DIRAS2: variants seen among roughly 807,000 people sequenced by gnomAD.
DIRAS2 encodes the protein GTP-binding protein Di-Ras2.
In DIRAS2, 5 loss-of-function variants were observed where a neutral mutation model predicts 13.9. The ratio of observed to expected loss-of-function variants is 0.36; its 90% confidence interval spans 0.19 to 0.76. DIRAS2 has a LOEUF of 0.76. Among genes scored for constraint, DIRAS2 ranks in the 30% least tolerant of loss-of-function variants. The pLI, the probability that DIRAS2 is intolerant of heterozygous loss-of-function variation, is 0.53. For missense variants in DIRAS2, 191 were observed against 263.0 expected (o/e 0.73, Z 1.89); for synonymous variants, 111 against 105.4 (o/e 1.05, Z -0.33).
rs150981717 is a variant in DIRAS2, at chr9:90,631,438, G to T, written c.-37+11314C>A. Among the ~76,000 whole-genome samples the T allele has an allele frequency of 1.4e-4, 22 of 152,304 alleles. No homozygotes were observed. The East Asian group carries it at 3.9e-3, about 27-fold the overall frequency. On this transcript the variant is annotated intron_variant, in intron 1 of 1. Coordinates refer to ENST00000375765, the MANE Select transcript of DIRAS2 (RefSeq NM_017594.5). ...AGGGTTTTGAGCAGAGAAGTGATAC[G>T]GTGGGACCTCCATTGTAAAAGTACC...
intron 1 of DIRAS2, among the ~76,000 whole-genome samples, chr9:90,618,730 TA>T (rs1825191869): frequency 6.6e-6 from 1 of 152,112 alleles, no homozygotes; most frequent in African/African-American, 2.4e-5. Context: ...GCAAAAGACT[TA>T]AAAAGACATT....
At chr9:90,625,582 C>T (rs77648848) in intron 1 of DIRAS2, among the ~76,000 whole-genome samples, 9,601 of 152,150 alleles carry the variant, frequency 0.063, 351 homozygotes, top group Admixed American at 0.077. Context: ...GATAATTCTT[C>T]CCCCATTGAA....
At chr9:90,615,738 G>A (rs907074460) in intron 1 of DIRAS2, among the ~76,000 whole-genome samples, 2 of 152,192 alleles carry the variant, frequency 1.3e-5, no homozygotes, top group African/African-American at 4.8e-5. Flanking sequence ...AAGCATGTCA[G>A]CTAGGGTCTC....
Position 90,610,436 on chromosome 9 carries a change from G to A in DIRAS2, c.*2792C>T, listed in dbSNP as rs997345112. 1 of 398,870 alleles carries A rather than the reference G, an allele frequency of 2.5e-6. No individual in the cohort carries two copies. Among genetic ancestry groups the A allele is most frequent in the African/African-American group, 2.1e-5 (1 of 48,610 alleles). The allele number at this position is 398,870 out of a possible 1,614,324, so 24.7% of individuals were successfully genotyped here. On this transcript the variant is annotated 3_prime_UTR_variant, in exon 2 of 2. Transcript: ENST00000375765. ...TGCCCATGGCTTGTCGCTGGATGGA[G>A]GAGGGGCTCATGGGGATAGAAGGGA...
intron 1 of DIRAS2, among the ~76,000 whole-genome samples, chr9:90,615,230 G>A (rs1825158089): frequency 6.6e-6 from 1 of 152,204 alleles, no homozygotes; most frequent in Admixed American, 6.5e-5. Flanking sequence ...CTGACAGACA[G>A]AACATCAGGT....
chr9:90,640,302 C>T (rs1349545105), intron 1 of DIRAS2, among the ~76,000 whole-genome samples: 1 of 152,162 alleles, frequency 6.6e-6, no homozygotes, highest in Non-Finnish European at 1.5e-5. Flanking sequence ...CTAAATTTGC[C>T]AGTGGCTGAG....
chr9:90,616,453 C>T (rs1825169532), intron 1 of DIRAS2, among the ~76,000 whole-genome samples: 1 of 152,060 alleles, frequency 6.6e-6, no homozygotes, highest in Non-Finnish European at 1.5e-5. Context: ...AAAGAGAGGT[C>T]TGAAGGAATT....
intron 1 of DIRAS2, among the ~76,000 whole-genome samples, chr9:90,630,902 C>T (rs1197171783): frequency 6.6e-6 from 1 of 152,200 alleles, no homozygotes; most frequent in Non-Finnish European, 1.5e-5. Flanking sequence ...TCCACCCTTA[C>T]ATGAGATAGC....
chr9:90,625,351 ATT>A (rs1373283826), intron 1 of DIRAS2, among the ~76,000 whole-genome samples: 1 of 152,158 alleles, frequency 6.6e-6, no homozygotes, highest in East Asian at 1.9e-4. Context: ...ATCATGAATT[ATT>A]TTGTTTCTCA....
chr9:90,618,401 A>G (rs576520405), intron 1 of DIRAS2, among the ~76,000 whole-genome samples: 12 of 152,356 alleles, frequency 7.9e-5, no homozygotes, highest in Admixed American at 6.5e-4. Flanking sequence ...CACACCATAC[A>G]CAAAACTGAC....
Position 90,632,544 on chromosome 9 carries a change from C to T in DIRAS2, c.-37+10208G>A, listed in dbSNP as rs967544467. 6.6e-5 allele frequency among the ~76,000 whole-genome samples: 10 copies of T among 152,316 alleles called. No homozygotes were observed. In the East Asian group the frequency reaches 9.6e-4, roughly 15 times the overall value. On this transcript the variant is annotated intron_variant, in intron 1 of 1. Transcript: ENST00000375765. ...CATCTTCCCACTTTATTTTCTCCAGCTTACATTTGTTTTAGAACATAGTAT... is the reference window on the plus strand; with the variant it reads ...CATCTTCCCACTTTATTTTCTCCAGTTTACATTTGTTTTAGAACATAGTAT...
chr9:90,631,261 A>G (rs1825322341), intron 1 of DIRAS2, among the ~76,000 whole-genome samples: 1 of 152,204 alleles, frequency 6.6e-6, no homozygotes, highest in African/African-American at 2.4e-5. Flanking sequence ...CTTGTCCAAC[A>G]TGCTCAAGAC....
At chr9:90,625,389 A>G (rs1302928203) in intron 1 of DIRAS2, among the ~76,000 whole-genome samples, 3 of 152,242 alleles carry the variant, frequency 2.0e-5, no homozygotes, top group Non-Finnish European at 4.4e-5. Context: ...TTGAGAATCC[A>G]TTACTGAATC....
intron 1 of DIRAS2, among the ~76,000 whole-genome samples, chr9:90,636,331 A>G (rs1019810507): frequency 1.3e-5 from 2 of 152,020 alleles, no homozygotes; most frequent in Non-Finnish European, 2.9e-5. Context: ...AGCTACCTGC[A>G]TTGAGGTAGG....
chr9:90,618,041 G>A (rs1825185200), intron 1 of DIRAS2, among the ~76,000 whole-genome samples: 2 of 152,100 alleles, frequency 1.3e-5, no homozygotes, highest in Admixed American at 1.3e-4. Context: ...TCCCACTAGC[G>A]ACTCTGCAGA....
At chr9:90,642,529 T>TA (rs1034227041) in intron 1 of DIRAS2, among the ~76,000 whole-genome samples, 2 of 152,144 alleles carry the variant, frequency 1.3e-5, no homozygotes, top group Non-Finnish European at 2.9e-5. Flanking sequence ...TACAGATTTT[T>TA]AAAAAAGAAC....
chr9:90,633,660 G>A (rs549053237), intron 1 of DIRAS2, among the ~76,000 whole-genome samples: 1 of 152,338 alleles, frequency 6.6e-6, no homozygotes, highest in South Asian at 2.1e-4. Flanking sequence ...ACAGCCTCAA[G>A]AGACTCCATA....
Position 90,613,634 on chromosome 9 carries a change from C to G in DIRAS2, c.194G>C (p.Ser65Thr). Residue 65 changes from serine to threonine, a missense_variant, in exon 2 of 2, where the codon AGC (serine) becomes ACC (threonine). By Grantham distance (58) the Ser-to-Thr change is moderately conservative. Coordinates refer to ENST00000375765, the MANE Select transcript of DIRAS2 (RefSeq NM_017594.5). The surrounding 1 kb of genome is among the most constrained non-coding windows in gnomAD (Gnocchi z 5.6). The stretch of plus-strand genomic sequence containing the variant: ...CCGCTGCATGGCCGGGAACTGGTGG[C>G]TCCCCGTCGTGTCGGTGATCTGCAA... ...CTLQITDTTG[S>T]HQFPAMQRLS... 2 of 1,614,186 alleles carry G rather than the reference C, an allele frequency of 1.2e-6. No individual in the cohort carries two copies. The highest frequency in any genetic ancestry group is 8.5e-7 in the Non-Finnish European group (1 of 1,180,036).
At chr9:90,627,015 CT>C (rs144008578) in intron 1 of DIRAS2, among the ~76,000 whole-genome samples, 1,598 of 152,248 alleles carry the variant, frequency 0.01, 24 homozygotes, top group East Asian at 0.053. Flanking sequence ...GGGCAGATCC[CT>C]TATGGCTTGG....
Sources: allele counts gnomAD v4.1 joint callset (sites outside exome capture counted in the v4.1 genomes callset), GRCh38; gene constraint gnomAD v4.1.1; non-coding constraint Gnocchi (gnomAD v3.1); transcripts MANE v1.5; gene names NCBI Gene and HGNC (gene_info 2026-07-23, HGNC 2026-07-21).